Variants in CACNA2D3 observed in about 807,000 individuals in gnomAD.
The protein encoded by CACNA2D3 is calcium voltage-gated channel auxiliary subunit alpha2delta 3.
In CACNA2D3, 60 loss-of-function variants were observed where a neutral mutation model predicts 160.6. The ratio of observed to expected loss-of-function variants is 0.37; its 90% confidence interval spans 0.30 to 0.46. The LOEUF (loss-of-function observed/expected upper bound fraction) is 0.46, where lower values mean the gene tolerates loss of function less well. Among genes scored for constraint, CACNA2D3 ranks in the 20% least tolerant of loss-of-function variants. The pLI, the probability that CACNA2D3 is intolerant of heterozygous loss-of-function variation, is 1.00. For missense variants in CACNA2D3, 1,205 were observed against 1,365.0 expected (o/e 0.88, Z 1.85); for synonymous variants, 558 against 492.9 (o/e 1.13, Z -1.75).
intron 2 of CACNA2D3, among the ~76,000 whole-genome samples, chr3:54,264,422 T>C (rs1381523422): frequency 6.6e-6 from 1 of 152,224 alleles, no homozygotes; most frequent in Non-Finnish European, 1.5e-5. Flanking sequence ...GTCTCTCAGC[T>C]TTGAACTCTA....
chr3:54,704,337 G>C (rs1700818893), intron 11 of CACNA2D3, among the ~76,000 whole-genome samples: 1 of 152,182 alleles, frequency 6.6e-6, no homozygotes, highest in African/African-American at 2.4e-5. Flanking sequence ...AAATGCTGCA[G>C]TTTAAGTATG....
At chr3:54,925,488 A>T (rs1559632349) in intron 27 of CACNA2D3, among the ~76,000 whole-genome samples, 1 of 152,166 alleles carries the variant, frequency 6.6e-6, no homozygotes, top group Non-Finnish European at 1.5e-5. Context: ...AAGATGGAAG[A>T]CTTAGTGATA....
At chr3:54,507,764 C>A (rs908091571) in intron 5 of CACNA2D3, among the ~76,000 whole-genome samples, 2 of 152,196 alleles carry the variant, frequency 1.3e-5, no homozygotes, top group African/African-American at 2.4e-5. Flanking sequence ...CCAGATCCAA[C>A]CTGACAAGGA....
intron 27 of CACNA2D3, among the ~76,000 whole-genome samples, chr3:54,944,396 GTATT>G (rs542683931): frequency 0.036 from 5,374 of 148,606 alleles, 155 homozygotes; most frequent in African/African-American, 0.084. Context: ...ATTTCCCAGG[GTATT>G]TATTTATTTA....
chr3:54,706,585 C>T (rs1700861213), intron 11 of CACNA2D3, among the ~76,000 whole-genome samples: 2 of 152,138 alleles, frequency 1.3e-5, no homozygotes, highest in Non-Finnish European at 2.9e-5. Context: ...GACCAGCTGT[C>T]CTTGAATAAC....
At chr3:54,640,248 T>A (rs72870621) in intron 10 of CACNA2D3, among the ~76,000 whole-genome samples, 109 of 152,290 alleles carry the variant, frequency 7.2e-4, no homozygotes, top group African/African-American at 2.6e-3. Context: ...GAGATTTTTT[T>A]ATGTTTCATT....
intron 4 of CACNA2D3, among the ~76,000 whole-genome samples, chr3:54,405,940 A>G (rs1699567967): frequency 6.6e-6 from 1 of 152,118 alleles, no homozygotes; most frequent in African/African-American, 2.4e-5. Context: ...CCACGGATAC[A>G]CAGAAAGGGG....
intron 4 of CACNA2D3, among the ~76,000 whole-genome samples, chr3:54,465,388 GTTA>G (rs1443365572): frequency 6.6e-6 from 1 of 151,958 alleles, no homozygotes; most frequent in Non-Finnish European, 1.5e-5. Context: ...TGCTATAATT[GTTA>G]TTTTTATTAG....
chr3:55,064,222 G>A (rs1704583192), intron 35 of CACNA2D3, among the ~76,000 whole-genome samples: 1 of 152,250 alleles, frequency 6.6e-6, no homozygotes, highest in Non-Finnish European at 1.5e-5. Flanking sequence ...CCCTACTCAT[G>A]GGGCACAGCC....
At chr3:55,056,527 C>T (rs999261323) in intron 35 of CACNA2D3, among the ~76,000 whole-genome samples, 1 of 152,136 alleles carries the variant, frequency 6.6e-6, no homozygotes, top group Non-Finnish European at 1.5e-5. Flanking sequence ...CAGCACTTTT[C>T]ATAATAGCTA....
At chr3:54,380,732 A>G (rs1227152129) in intron 3 of CACNA2D3, among the ~76,000 whole-genome samples, 1 of 151,626 alleles carries the variant, frequency 6.6e-6, no homozygotes, top group Admixed American at 6.6e-5. Context: ...AAAACAAAAA[A>G]CAAAAAAACA....
chr3:54,735,669 C>T (rs3906509), intron 11 of CACNA2D3, among the ~76,000 whole-genome samples: 32,923 of 151,772 alleles, frequency 0.22, 3,814 homozygotes, highest in Admixed American at 0.29. Context: ...GTACTTAAGA[C>T]ATGCATGATG....
chr3:54,507,464 T>A (rs1701389329), intron 5 of CACNA2D3, among the ~76,000 whole-genome samples: 1 of 152,220 alleles, frequency 6.6e-6, no homozygotes, highest in Non-Finnish European at 1.5e-5. Flanking sequence ...AGATGCAGCC[T>A]TGTGCCCCCT....
intron 9 of CACNA2D3, among the ~76,000 whole-genome samples, chr3:54,595,685 T>C (rs1702941781): frequency 6.6e-6 from 1 of 152,160 alleles, no homozygotes; most frequent in South Asian, 2.1e-4. Flanking sequence ...GTACCCTGTC[T>C]TGATATCAGT....
At chr3:54,561,647 A>G (rs139447697) in intron 5 of CACNA2D3, among the ~76,000 whole-genome samples, 226 of 152,238 alleles carry the variant, frequency 1.5e-3, no homozygotes, top group African/African-American at 5.2e-3. Flanking sequence ...TTTTTAAATC[A>G]CTGCACTGAA....
At chr3:54,776,804 C>G (rs1287470227) in intron 13 of CACNA2D3, among the ~76,000 whole-genome samples, 1 of 152,146 alleles carries the variant, frequency 6.6e-6, no homozygotes, top group Admixed American at 6.5e-5. Flanking sequence ...GCCCCACATC[C>G]TGGAGGATGC....
At chr3:54,832,245 A>G (rs1364766269) in intron 14 of CACNA2D3, among the ~76,000 whole-genome samples, 1 of 152,236 alleles carries the variant, frequency 6.6e-6, no homozygotes, top group African/African-American at 2.4e-5. Context: ...TGCCTAGTTA[A>G]TAAACTTACC....
intron 13 of CACNA2D3, among the ~76,000 whole-genome samples, chr3:54,805,587 G>A (rs1444837425): frequency 6.6e-6 from 1 of 152,112 alleles, no homozygotes; most frequent in Non-Finnish European, 1.5e-5. Context: ...AAGAGTCCAG[G>A]ACCAGATGGA....
chr3:54,760,079 C>A (rs144299446), intron 12 of CACNA2D3, among the ~76,000 whole-genome samples: 5 of 152,276 alleles, frequency 3.3e-5, no homozygotes, highest in Middle Eastern at 3.4e-3. Flanking sequence ...TTGCTCCCAA[C>A]AAGGTGGGGA....
Sources: allele counts gnomAD v4.1 joint callset (sites outside exome capture counted in the v4.1 genomes callset), GRCh38; gene constraint gnomAD v4.1.1; transcripts MANE v1.5; gene names NCBI Gene and HGNC (gene_info 2026-07-23, HGNC 2026-07-21).